Variants in FRS2 observed in about 807,000 individuals in gnomAD.
FRS2 encodes the protein fibroblast growth factor receptor substrate 2, also known as FGFR signalling adaptor.
A neutral mutation model predicts 43.9 loss-of-function variants in FRS2; 8 were observed. That is an observed-to-expected ratio of 0.18 (90% CI 0.11 to 0.33). The LOEUF (loss-of-function observed/expected upper bound fraction) is 0.33. FRS2 is among the 10% of genes least tolerant of loss of function. FRS2 has a pLI of 1.00. For missense variants in FRS2, 534 were observed against 627.6 expected (o/e 0.85, Z 1.59); for synonymous variants, 219 against 220.3 (o/e 0.99, Z 0.05).
intron 3 of FRS2, among the ~76,000 whole-genome samples, chr12:69,545,361 C>T (rs916082843): frequency 5.9e-5 from 9 of 152,188 alleles, no homozygotes; most frequent in African/African-American, 2.2e-4. Context: ...GCTGGTGACT[C>T]ACACTTCCTG....
At chr12:69,487,737 A>G (rs982168727) in intron 1 of FRS2, among the ~76,000 whole-genome samples, 1 of 152,254 alleles carries the variant, frequency 6.6e-6, no homozygotes, top group African/African-American at 2.4e-5. Flanking sequence ...ATCTGGGCAA[A>G]GTAAACTGAA....
chr12:69,482,318 G>A (rs1011550436), intron 1 of FRS2, among the ~76,000 whole-genome samples: 3 of 152,164 alleles, frequency 2.0e-5, no homozygotes, highest in Admixed American at 2.0e-4. Flanking sequence ...GTGATTAGAG[G>A]AGGTGACTTA....
intron 1 of FRS2, among the ~76,000 whole-genome samples, chr12:69,527,027 C>T (rs982805462): frequency 6.6e-6 from 1 of 152,090 alleles, no homozygotes; most frequent in Admixed American, 6.6e-5. Flanking sequence ...CCAGCCAGTG[C>T]AGAAACTTTT....
At chr12:69,484,354 G>A (rs1871637164) in intron 1 of FRS2, among the ~76,000 whole-genome samples, 1 of 152,142 alleles carries the variant, frequency 6.6e-6, no homozygotes, top group Non-Finnish European at 1.5e-5. Flanking sequence ...AGAGTGCTGG[G>A]ATTACAAGTC....
intron 1 of FRS2, among the ~76,000 whole-genome samples, chr12:69,498,842 G>C (rs190544232): frequency 1.3e-4 from 20 of 152,310 alleles, no homozygotes; most frequent in African/African-American, 4.6e-4. Flanking sequence ...CTTGAGCTGA[G>C]ATTGTGTGTA....
At chr12:69,511,915 T>TTTAA (rs1403074869) in intron 1 of FRS2, among the ~76,000 whole-genome samples, 1 of 152,192 alleles carries the variant, frequency 6.6e-6, no homozygotes, top group African/African-American at 2.4e-5. Context: ...TCTTTATCTG[T>TTTAA]TTAATGAGTT....
intron 3 of FRS2, among the ~76,000 whole-genome samples, chr12:69,545,937 T>A (rs1878364633): frequency 6.6e-6 from 1 of 152,096 alleles, no homozygotes; most frequent in East Asian, 1.9e-4. Flanking sequence ...GATCTTCACC[T>A]AGCACCATAT....
chr12:69,477,006 G>T (rs1033421905), intron 1 of FRS2, among the ~76,000 whole-genome samples: 5 of 152,060 alleles, frequency 3.3e-5, no homozygotes, highest in African/African-American at 7.2e-5. Context: ...AATGATATGG[G>T]TTTATAGAGT....
intron 1 of FRS2, among the ~76,000 whole-genome samples, chr12:69,500,981 A>G (rs1873387141): frequency 6.6e-6 from 1 of 152,174 alleles, no homozygotes; most frequent in Non-Finnish European, 1.5e-5. Flanking sequence ...TGCTGATTAA[A>G]TCATTCTACT....
intron 1 of FRS2, among the ~76,000 whole-genome samples, chr12:69,492,196 A>T (rs1872547130): frequency 6.6e-6 from 1 of 152,180 alleles, no homozygotes; most frequent in Non-Finnish European, 1.5e-5. Context: ...TTGTGAATGA[A>T]TTGTGTTTAA....
At chr12:69,489,691 TATTG>T (rs983873629) in intron 1 of FRS2, among the ~76,000 whole-genome samples, 2 of 151,324 alleles carry the variant, frequency 1.3e-5, no homozygotes, top group Admixed American at 1.3e-4. Context: ...AAAAGAAAAT[TATTG>T]GTTGGTTGGT....
chr12:69,558,338 C>T (rs1277647251), intron 3 of FRS2, among the ~76,000 whole-genome samples: 1 of 152,136 alleles, frequency 6.6e-6, no homozygotes, highest in African/African-American at 2.4e-5. Flanking sequence ...AATTTTCTGC[C>T]TCCATGGGAA....
intron 1 of FRS2, among the ~76,000 whole-genome samples, chr12:69,507,351 G>A (rs1215395329): frequency 2.0e-5 from 3 of 152,076 alleles, no homozygotes; most frequent in Non-Finnish European, 4.4e-5. Flanking sequence ...TTTCTGTCCT[G>A]TTATATGGGT....
At chr12:69,476,742 T>C (rs1001917722) in intron 1 of FRS2, among the ~76,000 whole-genome samples, 5 of 1,162 alleles carry the variant, frequency 4.3e-3, no homozygotes, top group African/African-American at 0.025. Flanking sequence ...CAGGCGGCTG[T>C]GGGGGAGGGA....
chr12:69,478,588 C>G (rs1565712126), intron 1 of FRS2, among the ~76,000 whole-genome samples: 1 of 152,044 alleles, frequency 6.6e-6, no homozygotes, highest in Non-Finnish European at 1.5e-5. Flanking sequence ...AATAATTCAT[C>G]TTTTTCTTTG....
intron 1 of FRS2, among the ~76,000 whole-genome samples, chr12:69,490,580 C>G (rs968758358): frequency 6.6e-6 from 1 of 152,018 alleles, no homozygotes; most frequent in Admixed American, 6.6e-5. Context: ...CATTTGAGAT[C>G]TAGACCATAA....
chr12:69,519,753 G>T (rs905987821), intron 1 of FRS2, among the ~76,000 whole-genome samples: 3 of 152,170 alleles, frequency 2.0e-5, no homozygotes, highest in African/African-American at 4.8e-5. Flanking sequence ...TCTTTTTTAT[G>T]ACAGTTTAGT....
At chr12:69,495,932 A>G (rs7308110) in intron 1 of FRS2, among the ~76,000 whole-genome samples, 59,659 of 152,052 alleles carry the variant, frequency 0.39, 12,374 homozygotes, top group South Asian at 0.58. Flanking sequence ...CTCTCAAAAA[A>G]AGAGAAAGGA....
At position 69,574,460 on chromosome 12, in the gene FRS2, T is replaced by C; in HGVS notation, c.1032T>C (p.Thr344=). 6.2e-7 allele frequency: 1 copy of C among 1,613,970 alleles called. No individual in the cohort carries two copies. The highest frequency in any genetic ancestry group is 2.2e-5 in the East Asian group (1 of 44,868). ...QNINNSAQRR[T]ALLNYENLPS... ...TCAACAACTCAGCTCAGAGAAGAACTGCATTATTAAACTATGAAAATCTAC... is the reference window on the plus strand; with the variant it reads ...TCAACAACTCAGCTCAGAGAAGAACCGCATTATTAAACTATGAAAATCTAC... Residue 344 remains threonine, a synonymous_variant, in exon 9 of 9, where the codon ACT becomes ACC. Transcript: ENST00000549921.
Sources: allele counts gnomAD v4.1 joint callset (sites outside exome capture counted in the v4.1 genomes callset), GRCh38; gene constraint gnomAD v4.1.1; transcripts MANE v1.5; gene names NCBI Gene and HGNC (gene_info 2026-07-23, HGNC 2026-07-21).